PCDHGB2: variants seen among roughly 807,000 people sequenced by gnomAD.
PCDHGB2 encodes the protein protocadherin gamma subfamily B, 2.
PCDHGB2 carries 55 observed loss-of-function variants against 59.3 expected under a neutral mutation model. That is an observed-to-expected ratio of 0.93 (90% CI 0.75 to 1.16). The LOEUF is 1.16. Among genes scored for constraint, PCDHGB2 ranks in the 50% most tolerant of loss-of-function variants. PCDHGB2 has a pLI of 0.00. For synonymous variants in PCDHGB2, 516 were observed against 512.0 expected, an observed-to-expected ratio of 1.01 and a Z score of -0.11; for missense variants, 1,228 against 1,198.5, an observed-to-expected ratio of 1.02 and a Z score of -0.36.
intron 1 of PCDHGB2, chr5:141,371,582 A>G (rs1442849202): frequency 1.9e-6 from 3 of 1,613,934 alleles, no homozygotes; most frequent in East Asian, 2.2e-5. Context: ...AAATCGTTCA[A>G]GATACCAAAA....
At chr5:141,393,914 C>T (rs765664879) in intron 1 of PCDHGB2, 2 of 1,613,932 alleles carry the variant, frequency 1.2e-6, no homozygotes, top group South Asian at 2.2e-5. Flanking sequence ...CAGTAATTGC[C>T]TTCTTGAGTG....
At chr5:141,479,366 T>A (rs2099494042) in intron 1 of PCDHGB2, 1 of 152,302 alleles carries the variant, frequency 6.6e-6, no homozygotes, top group Non-Finnish European at 1.5e-5. Flanking sequence ...GTGCCTGAGG[T>A]GGGAGGATTG....
At chr5:141,495,984 ATC>A (rs2099765081) in intron 2 of PCDHGB2, among the ~76,000 whole-genome samples, 1 of 149,246 alleles carries the variant, frequency 6.7e-6, no homozygotes, top group East Asian at 2.0e-4. Context: ...CTCTTTCTTT[ATC>A]TCTCTTTTTC....
Position 141,408,343 on chromosome 5 carries a change from G to A in PCDHGB2, c.2421+45787G>A, listed in dbSNP as rs780878986. On this transcript the variant is annotated intron_variant, in intron 1 of 3. Transcript: ENST00000522605. Reference sequence around the variant, plus strand: ...AGGAGCTGGCCAAGGGCTCGGTGGTGGGGAACCTCGCTAAGGATCTAGGGC... The same window carrying A: ...AGGAGCTGGCCAAGGGCTCGGTGGTAGGGAACCTCGCTAAGGATCTAGGGC... The A allele has an allele frequency of 1.9e-6, 3 of 1,613,924 alleles. No individual in the cohort carries two copies. In the South Asian group the frequency reaches 3.3e-5, roughly 18 times the overall value.
Position 141,489,956 on chromosome 5 carries a change from C to CTCCAACCT in PCDHGB2, c.2422-4845_2422-4838dup, listed in dbSNP as rs1176419823. Reference sequence around the variant, plus strand: ...ATCGTGCTGGACATCAATGATAATGCTCCAACCTTCCAATCCTCAGTTCTA... The same window carrying CTCCAACCT: ...ATCGTGCTGGACATCAATGATAATGCTCCAACCTTCCAACCTTCCAATCCTCAGTTCTA... On this transcript the variant is annotated intron_variant, in intron 1 of 3. Coordinates refer to ENST00000522605, the MANE Select transcript of PCDHGB2 (RefSeq NM_018923.3). The surrounding 1 kb of genome is among the most constrained non-coding windows in gnomAD (Gnocchi z 4.5). 16 of 1,614,012 alleles carry CTCCAACCT rather than the reference C, an allele frequency of 9.9e-6. No individual in the cohort carries two copies. The highest frequency in any genetic ancestry group is 1.4e-5 in the Non-Finnish European group (16 of 1,179,974).
Position 141,432,253 on chromosome 5 carries a change from G to A in PCDHGB2, c.2422-62554G>A, listed in dbSNP as rs1193159615. ...CCCTGGCTGAGAACACCATCCAAGGGGCAAGCCTATCGTCCTACGTGTCCA... is the reference window on the plus strand; with the variant it reads ...CCCTGGCTGAGAACACCATCCAAGGAGCAAGCCTATCGTCCTACGTGTCCA... On this transcript the variant is annotated intron_variant, in intron 1 of 3. Coordinates refer to ENST00000522605, the MANE Select transcript of PCDHGB2 (RefSeq NM_018923.3). The surrounding 1 kb of genome is among the most constrained non-coding windows in gnomAD (Gnocchi z 6.0). 2.5e-6 allele frequency: 4 copies of A among 1,614,086 alleles called. No individual in the cohort carries two copies. Among genetic ancestry groups the A allele is most frequent in the Non-Finnish European group, 3.4e-6 (4 of 1,180,046 alleles).
At chr5:141,457,125 C>T (rs1011977795) in intron 1 of PCDHGB2, among the ~76,000 whole-genome samples, 3 of 152,236 alleles carry the variant, frequency 2.0e-5, no homozygotes, top group Admixed American at 6.5e-5. Flanking sequence ...GCAATGGAAA[C>T]TCTGTCCAAT....
intron 1 of PCDHGB2, chr5:141,365,890 C>G (rs780121604): frequency 6.2e-7 from 1 of 1,614,022 alleles, no homozygotes; most frequent in East Asian, 2.2e-5. Flanking sequence ...TGAGATCCTT[C>G]GACTATGAGC....
At position 141,400,328 on chromosome 5, in the gene PCDHGB2, T is replaced by A. The variant is rs754904671; in HGVS notation, c.2421+37772T>A. ...GGTCTCTGTGTCAAGTCTGGACCTG[T>A]GGTTCCCCCCAACTACAGTCAGGGG... On this transcript the variant is annotated intron_variant, in intron 1 of 3. Coordinates refer to ENST00000522605, the MANE Select transcript of PCDHGB2 (RefSeq NM_018923.3). 80 of 1,613,976 alleles carry A rather than the reference T, an allele frequency of 5.0e-5. No homozygotes were observed. Among genetic ancestry groups the A allele is most frequent in the Non-Finnish European group, 6.4e-5 (76 of 1,179,916 alleles).
chr5:141,453,465 A>G (rs1167340749), intron 1 of PCDHGB2, among the ~76,000 whole-genome samples: 2 of 152,098 alleles, frequency 1.3e-5, no homozygotes, highest in African/African-American at 4.8e-5. Flanking sequence ...AAACATTAAC[A>G]TAAAGTCAAA....
intron 1 of PCDHGB2, chr5:141,389,046 G>A: frequency 1.9e-6 from 3 of 1,613,888 alleles, no homozygotes; most frequent in African/African-American, 1.3e-5. Context: ...GGAAGGTGAT[G>A]TTCCATTTAA....
At chr5:141,363,921 G>A (rs1014705709) in intron 1 of PCDHGB2, among the ~76,000 whole-genome samples, 20 of 152,132 alleles carry the variant, frequency 1.3e-4, no homozygotes, top group African/African-American at 4.3e-4. Flanking sequence ...TTTTTGTAAG[G>A]TATTGAGATC....
In PCDHGB2 at chr5:141,489,633, T is replaced by C. The variant is rs1298084961; in HGVS notation, c.2422-5174T>C. On this transcript the variant is annotated intron_variant, in intron 1 of 3. Coordinates refer to ENST00000522605, the MANE Select transcript of PCDHGB2 (RefSeq NM_018923.3). The surrounding 1 kb of genome is among the most constrained non-coding windows in gnomAD (Gnocchi z 4.5). ...TCCTGGATCTCAATGACAACTCTCC[T>C]AGCTTTGCCACCCCTGAGCGAGAGA... The C allele has an allele frequency of 6.2e-7, 1 of 1,614,160 alleles. No individual in the cohort carries two copies. Among genetic ancestry groups the C allele is most frequent in the South Asian group, 1.1e-5 (1 of 91,086 alleles).
chr5:141,371,171 C>T, intron 1 of PCDHGB2: 1 of 1,614,048 alleles, frequency 6.2e-7, no homozygotes, highest in Non-Finnish European at 8.5e-7. Flanking sequence ...CCGCTGGCTC[C>T]TCCGTATTAA....
intron 1 of PCDHGB2, chr5:141,372,225 G>A (rs1326941167): frequency 6.8e-6 from 11 of 1,613,368 alleles, no homozygotes; most frequent in Non-Finnish European, 9.3e-6. Context: ...CATTGTGCAG[G>A]CCAGCGAGCC....
intron 1 of PCDHGB2, chr5:141,372,413 T>C (rs1768752463): frequency 6.2e-7 from 1 of 1,614,052 alleles, no homozygotes; most frequent in Non-Finnish European, 8.5e-7. Flanking sequence ...AGATACAACC[T>C]GACCTTAGCG....
intron 1 of PCDHGB2, chr5:141,430,984 C>A (rs765063685): frequency 6.2e-7 from 1 of 1,613,648 alleles, no homozygotes; most frequent in South Asian, 1.1e-5. Flanking sequence ...CGCAGCTTTT[C>A]GCCCTGAATC....
At chr5:141,457,063 G>A (rs1477613746) in intron 1 of PCDHGB2, among the ~76,000 whole-genome samples, 1 of 152,104 alleles carries the variant, frequency 6.6e-6, no homozygotes, top group East Asian at 1.9e-4. Context: ...CTTCCTTTTT[G>A]CCAGTAACTA....
At chr5:141,418,403 G>T in intron 1 of PCDHGB2, 1 of 1,614,000 alleles carries the variant, frequency 6.2e-7, no homozygotes. Context: ...CTCATTGGTG[G>T]AGAAAGACAA....
Sources: allele counts gnomAD v4.1 joint callset (sites outside exome capture counted in the v4.1 genomes callset), GRCh38; gene constraint gnomAD v4.1.1; non-coding constraint Gnocchi (gnomAD v3.1); transcripts MANE v1.5; gene names NCBI Gene and HGNC (gene_info 2026-07-23, HGNC 2026-07-21).